TMTC1: variants seen among roughly 807,000 people sequenced by gnomAD.
The protein encoded by TMTC1 is transmembrane O-mannosyltransferase targeting cadherins 1, also known as protein O-mannosyl-transferase TMTC1.
A neutral mutation model predicts 104.8 loss-of-function variants in TMTC1; 73 were observed. The ratio of observed to expected loss-of-function variants is 0.70; its 90% CI spans 0.58 to 0.85. The LOEUF is 0.85. Among genes scored for constraint, TMTC1 ranks in the 40% least tolerant of loss-of-function variants. The pLI is 0.00. For missense variants in TMTC1, 1,035 were observed against 1,096.1 expected (o/e 0.94, Z 0.79); for synonymous variants, 434 against 428.7 (o/e 1.01, Z -0.15).
chr12:29,643,590 ATATATAT>A (rs1289960787), intron 5 of TMTC1, among the ~76,000 whole-genome samples: 1 of 38,276 alleles, frequency 2.6e-5, no homozygotes, highest in Non-Finnish European at 4.3e-5. Context: ...TCATATATAA[ATATATAT>A]TATATATTAT....
At position 29,666,389 on chromosome 12, in the gene TMTC1, T is replaced by G. The variant is rs181643049; in HGVS notation, c.939-33053A>C. ...ACTACCACCATGCCTGGCTAATTTTTTTTTTGTTGTTGTTGTTGTATTTTT... is the reference window on the plus strand; with the variant it reads ...ACTACCACCATGCCTGGCTAATTTTGTTTTTGTTGTTGTTGTTGTATTTTT... On this transcript the variant is annotated intron_variant, in intron 5 of 17. Coordinates refer to ENST00000539277, the MANE Select transcript of TMTC1 (RefSeq NM_001193451.2). The G allele has an allele frequency of 1.4e-3, 490 of 338,240 alleles. 3 individuals are homozygous for G. Among genetic ancestry groups the G allele is most frequent in the African/African-American group, 9.8e-3 (437 of 44,480 alleles). 21.0% of individuals were successfully genotyped at this position (338,240 alleles called of 1,614,324 possible). A position where few individuals can be genotyped will look rare whatever the true frequency, so the allele number is the denominator to read the frequency against.
intron 9 of TMTC1, among the ~76,000 whole-genome samples, chr12:29,563,694 T>C (rs987591602): frequency 1.3e-5 from 2 of 152,200 alleles, no homozygotes; most frequent in Non-Finnish European, 2.9e-5. Context: ...AAGAGCCCTG[T>C]GATCGAGATT....
intron 6 of TMTC1, among the ~76,000 whole-genome samples, chr12:29,620,417 G>C (rs1048028362): frequency 6.6e-6 from 1 of 152,206 alleles, no homozygotes; most frequent in African/African-American, 2.4e-5. Flanking sequence ...ACACAGAGGG[G>C]ACTGGCTTCC....
intron 7 of TMTC1, among the ~76,000 whole-genome samples, chr12:29,598,776 T>A (rs967013838): frequency 2.6e-5 from 4 of 152,208 alleles, no homozygotes; most frequent in Non-Finnish European, 5.9e-5. Flanking sequence ...GTAAGTTAAT[T>A]TTGTATCCTG....
In TMTC1 at chr12:29,583,516, G is replaced by T. The variant is rs1457498814; in HGVS notation, c.1309C>A (p.Arg437=). The T allele has an allele frequency of 3.7e-6, 6 of 1,613,800 alleles. No individual in the cohort carries two copies. The highest frequency in any genetic ancestry group is 5.1e-6 in the Non-Finnish European group (6 of 1,179,858). Reference sequence around the variant, plus strand: ...ACAATCAGGGTGGTGGCCCCACATCGATTCAGCCAAGTGCAGAGCTTGCTC... The same window carrying T: ...ACAATCAGGGTGGTGGCCCCACATCTATTCAGCCAAGTGCAGAGCTTGCTC... ...GLSKLCTWLN[R]CGATTLIVST... The change falls in exon 8 of 18, where the codon CGA becomes AGA. Residue 437 remains arginine (R), a synonymous_variant. Coordinates refer to ENST00000539277, the MANE Select transcript of TMTC1 (RefSeq NM_001193451.2).
chr12:29,566,024 C>T (rs180903795), intron 9 of TMTC1, among the ~76,000 whole-genome samples: 1 of 152,140 alleles, frequency 6.6e-6, no homozygotes, highest in Non-Finnish European at 1.5e-5. Flanking sequence ...ATTAACAAAA[C>T]GATAGGTGAG....
intron 5 of TMTC1, among the ~76,000 whole-genome samples, chr12:29,669,947 C>A (rs1201567654): frequency 1.3e-5 from 2 of 152,184 alleles, no homozygotes; most frequent in African/African-American, 4.8e-5. Context: ...AGGATTGAGT[C>A]TCCTGATGGC....
chr12:29,694,697 T>C (rs1020604191), intron 5 of TMTC1, among the ~76,000 whole-genome samples: 7 of 152,106 alleles, frequency 4.6e-5, no homozygotes, highest in African/African-American at 1.4e-4. Context: ...CCCAGTACTT[T>C]GGGAGGCTGA....
chr12:29,646,846 G>T (rs1053526556), intron 5 of TMTC1, among the ~76,000 whole-genome samples: 3 of 152,068 alleles, frequency 2.0e-5, no homozygotes, highest in African/African-American at 7.2e-5. Context: ...CAATTCATTA[G>T]GCTGCTGTTT....
intron 5 of TMTC1, among the ~76,000 whole-genome samples, chr12:29,634,804 T>C (rs1426091067): frequency 6.6e-6 from 1 of 152,222 alleles, no homozygotes; most frequent in African/African-American, 2.4e-5. Context: ...GAATCTTGGA[T>C]TGGCAAAGAC....
At position 29,717,838 on chromosome 12, in the gene TMTC1, A is replaced by G. The variant is rs562439537; in HGVS notation, c.938+33828T>C. On this transcript the variant is annotated intron_variant, in intron 5 of 17. Coordinates refer to ENST00000539277, the MANE Select transcript of TMTC1 (RefSeq NM_001193451.2). Reference sequence around the variant, plus strand: ...ATGCACATCATTATAACTAATTATTACAAGTGATTATTATAATAATTACTC... The same window carrying G: ...ATGCACATCATTATAACTAATTATTGCAAGTGATTATTATAATAATTACTC... Among the ~76,000 whole-genome samples the G allele has an allele frequency of 9.2e-4, 140 of 152,342 alleles. 1 individual carries two copies. The highest frequency in any genetic ancestry group is 1.3e-3 in the Non-Finnish European group (91 of 68,026).
At chr12:29,608,769 C>T (rs374985460) in intron 6 of TMTC1, among the ~76,000 whole-genome samples, 159 of 152,184 alleles carry the variant, frequency 1.0e-3, no homozygotes, top group Non-Finnish European at 1.8e-3. Flanking sequence ...CAGTCACCAT[C>T]GGCACAAATA....
chr12:29,621,134 G>A (rs1209931367), intron 6 of TMTC1, among the ~76,000 whole-genome samples: 1 of 152,300 alleles, frequency 6.6e-6, no homozygotes, highest in South Asian at 2.1e-4. Context: ...GAGGAATGTA[G>A]GCCAGAGGAA....
rs922722015 is a variant in TMTC1 at position 29,501,092 on chromosome 12, A to G, written c.*5754T>C. 6.6e-6 allele frequency: 1 copy of G among 152,564 alleles called. No individual in the cohort carries two copies. Among genetic ancestry groups the G allele is most frequent in the African/African-American group, 2.4e-5 (1 of 41,462 alleles). 9.5% of individuals were successfully genotyped at this position (152,564 alleles called of 1,614,324 possible). On this transcript the variant is annotated 3_prime_UTR_variant, in exon 18 of 18. Coordinates refer to ENST00000539277, the MANE Select transcript of TMTC1 (RefSeq NM_001193451.2). ...AAAAGGAGGGATCTGCGTGAATTACAGCAAATCAAATGATTTCCACATTAT... is the reference window on the plus strand; with the variant it reads ...AAAAGGAGGGATCTGCGTGAATTACGGCAAATCAAATGATTTCCACATTAT...
At chr12:29,681,737 C>T (rs1178201087) in intron 5 of TMTC1, among the ~76,000 whole-genome samples, 1 of 149,302 alleles carries the variant, frequency 6.7e-6, no homozygotes, top group East Asian at 2.0e-4. Context: ...GTGGAATCTA[C>T]AGATTAATAG....
At chr12:29,626,564 C>T (rs189210343) in intron 6 of TMTC1, among the ~76,000 whole-genome samples, 22 of 152,218 alleles carry the variant, frequency 1.4e-4, no homozygotes, top group African/African-American at 4.8e-4. Context: ...CTTCAAAAAA[C>T]GATGCAGAGA....
At chr12:29,768,802 A>G (rs4931216) in intron 1 of TMTC1, among the ~76,000 whole-genome samples, 60,138 of 152,122 alleles carry the variant, frequency 0.4, 12,432 homozygotes, top group Admixed American at 0.54. Context: ...ACAAAGGGAA[A>G]GAAAACCAAT....
chr12:29,540,020 T>C (rs1317945877), intron 10 of TMTC1, among the ~76,000 whole-genome samples: 1 of 152,196 alleles, frequency 6.6e-6, no homozygotes, highest in African/African-American at 2.4e-5. Context: ...ACGAAGAACA[T>C]ATGTATACAT....
intron 5 of TMTC1, among the ~76,000 whole-genome samples, chr12:29,738,314 C>A (rs1232555347): frequency 6.6e-6 from 1 of 152,140 alleles, no homozygotes; most frequent in African/African-American, 2.4e-5. Flanking sequence ...ATTCTAAAAT[C>A]ATTTTTTGGG....
Sources: gnomAD v4.1 joint callset for allele counts (sites outside exome capture counted in the v4.1 genomes callset) on GRCh38, gnomAD v4.1.1 for gene constraint, MANE v1.5 for transcripts, NCBI Gene and HGNC (gene_info 2026-07-23, HGNC 2026-07-21) for gene names.